The following MAP3K20 variants were observed in gnomAD, a reference collection of about 807,000 sequenced individuals.
MAP3K20 encodes HCCS-4.
Under a neutral mutation model 85.7 loss-of-function variants are expected in MAP3K20, and 40 were observed. That is an observed-to-expected ratio of 0.47 (90% CI 0.36 to 0.61). The LOEUF is 0.61. MAP3K20 is among the 20% of genes least tolerant of loss of function. The pLI, the probability that MAP3K20 is intolerant of heterozygous loss-of-function variation, is 0.00. For missense variants in MAP3K20, 817 were observed against 961.7 expected (o/e 0.85, Z 1.99); for synonymous variants, 325 against 327.7 (o/e 0.99, Z 0.09).
At chr2:173,260,133 G>A (rs536022564) in intron 17 of MAP3K20, among the ~76,000 whole-genome samples, 96 of 152,292 alleles carry the variant, frequency 6.3e-4, no homozygotes, top group African/African-American at 2.1e-3. Context: ...TTGGGAGGCT[G>A]AGGTGAGCAG....
chr2:173,256,329 T>C (rs570769227), intron 16 of MAP3K20, among the ~76,000 whole-genome samples: 6 of 152,296 alleles, frequency 3.9e-5, no homozygotes, highest in Non-Finnish European at 7.3e-5. Flanking sequence ...GGATTCTTCA[T>C]TCTTCAAAAA....
At chr2:173,263,962 G>T (rs1296331333) in intron 19 of MAP3K20, 67 bp downstream of exon 19, 2 of 1,543,974 alleles carry the variant, frequency 1.3e-6, no homozygotes, top group East Asian at 2.3e-5. Flanking sequence ...ATTTCCAGAT[G>T]ATCTAAAGAC....
At chr2:173,120,978 A>T (rs909129373) in intron 2 of MAP3K20, among the ~76,000 whole-genome samples, 37 of 151,450 alleles carry the variant, frequency 2.4e-4, no homozygotes, top group Non-Finnish European at 4.7e-4. Context: ...AAGTGCTGGG[A>T]TTACAGGCGT....
intron 2 of MAP3K20, among the ~76,000 whole-genome samples, chr2:173,161,672 A>T (rs1689661687): frequency 6.6e-6 from 1 of 152,206 alleles, no homozygotes; most frequent in South Asian, 2.1e-4. Flanking sequence ...GGAGAGGAGC[A>T]TTATGTAATA....
rs538173924 is a variant in MAP3K20, at chr2:173,108,256, C to T, written c.159+17066C>T. Among the ~76,000 whole-genome samples the T allele has an allele frequency of 6.2e-4, 95 of 152,138 alleles. 1 individual carries two copies. Among genetic ancestry groups the T allele is most frequent in the Admixed American group, 2.6e-4 (4 of 15,288 alleles). On this transcript the variant is annotated intron_variant, in intron 2 of 19. Transcript: ENST00000375213. ...CAAGCGATTCTCCTGCCTCAGCCTC[C>T]GGAGCAGCCGGGATTACAGGCATGT...
chr2:173,105,095 A>C (rs1044856603), intron 2 of MAP3K20, among the ~76,000 whole-genome samples: 24 of 152,220 alleles, frequency 1.6e-4, no homozygotes, highest in African/African-American at 5.8e-4. Context: ...TGAGCAGTTG[A>C]ATGCTTTTGA....
At chr2:173,258,555 C>T (rs1483434687) in intron 16 of MAP3K20, 144 bp from the exon 17 acceptor site, 1 of 578,664 alleles carries the variant, frequency 1.7e-6, no homozygotes, top group African/African-American at 2.0e-5. Context: ...AATCTAATTT[C>T]ATGTCCTTTT....
At chr2:173,143,602 A>G (rs1347253764) in intron 2 of MAP3K20, among the ~76,000 whole-genome samples, 1 of 152,204 alleles carries the variant, frequency 6.6e-6, no homozygotes, top group Non-Finnish European at 1.5e-5. Flanking sequence ...TTTTCTCCCT[A>G]AGATTAGGAG....
At chr2:173,225,831 GAA>G (rs1574135714) in intron 11 of MAP3K20, 11 of 983,996 alleles carry the variant, frequency 1.1e-5, no homozygotes, top group Non-Finnish European at 1.3e-5. Context: ...TTTCTCCTTA[GAA>G]ATGCTGGTGG....
chr2:173,131,687 G>A (rs1688622500), intron 2 of MAP3K20, among the ~76,000 whole-genome samples: 1 of 152,182 alleles, frequency 6.6e-6, no homozygotes, highest in Non-Finnish European at 1.5e-5. Flanking sequence ...ATCATGTGTA[G>A]AAATATAGAA....
intron 2 of MAP3K20, among the ~76,000 whole-genome samples, chr2:173,129,179 G>A (rs1354892862): frequency 6.6e-6 from 1 of 151,716 alleles, no homozygotes; most frequent in African/African-American, 2.4e-5. Context: ...TGCCCTCCTC[G>A]GCTTCCCAAA....
intron 16 of MAP3K20, among the ~76,000 whole-genome samples, chr2:173,249,316 A>C (rs896057500): frequency 2.0e-5 from 3 of 152,174 alleles, no homozygotes; most frequent in South Asian, 4.1e-4. Context: ...CTAAACCAAA[A>C]ATTAGGTGTT....
intron 11 of MAP3K20, chr2:173,222,781 G>A (rs897813873): frequency 3.0e-6 from 3 of 985,334 alleles, no homozygotes; most frequent in African/African-American, 1.7e-5. Context: ...AATAATGTTG[G>A]TGTTTTAGAA....
intron 2 of MAP3K20, among the ~76,000 whole-genome samples, chr2:173,111,438 A>G (rs1215682150): frequency 1.3e-5 from 2 of 152,180 alleles, no homozygotes; most frequent in South Asian, 2.1e-4. Context: ...TTAAGTCCCA[A>G]CTATTCATCT....
At chr2:173,208,561 G>A (rs1302516487) in intron 9 of MAP3K20, among the ~76,000 whole-genome samples, 15 of 152,114 alleles carry the variant, frequency 9.9e-5, no homozygotes, top group Non-Finnish European at 5.9e-5. Flanking sequence ...ATTTATCTAT[G>A]TGTGCCCTCT....
At chr2:173,079,698 C>T (rs1686961883) in intron 1 of MAP3K20, among the ~76,000 whole-genome samples, 1 of 151,888 alleles carries the variant, frequency 6.6e-6, no homozygotes, top group South Asian at 2.1e-4. Context: ...AAAACTAAGA[C>T]AGAAACACAC....
chr2:173,109,891 A>G (rs1437480993), intron 2 of MAP3K20, among the ~76,000 whole-genome samples: 1 of 152,070 alleles, frequency 6.6e-6, no homozygotes, highest in South Asian at 2.1e-4. Flanking sequence ...AACATATTTT[A>G]AGGCTTGTAA....
At chr2:173,250,377 G>A (rs1685015838) in intron 16 of MAP3K20, among the ~76,000 whole-genome samples, 1 of 152,220 alleles carries the variant, frequency 6.6e-6, no homozygotes, top group Non-Finnish European at 1.5e-5. Flanking sequence ...GAACACAGCA[G>A]GGAGAAGGAA....
At chr2:173,191,489 C>A (rs1298151600) in intron 7 of MAP3K20, among the ~76,000 whole-genome samples, 1 of 152,156 alleles carries the variant, frequency 6.6e-6, no homozygotes, top group Non-Finnish European at 1.5e-5. Flanking sequence ...GGTAATGTGA[C>A]TGTGGACTCT....
Sources: gnomAD v4.1 joint callset for allele counts (sites outside exome capture counted in the v4.1 genomes callset) on GRCh38, gnomAD v4.1.1 for gene constraint, MANE v1.5 for transcripts, NCBI Gene and HGNC (gene_info 2026-07-23, HGNC 2026-07-21) for gene names.